The following KAZN variants were observed in gnomAD, a reference collection of about 807,000 sequenced individuals.
KAZN encodes kazrin.
KAZN carries 40 observed loss-of-function variants against 87.4 expected under a neutral mutation model. That is an observed-to-expected ratio of 0.46 (90% CI 0.36 to 0.60). The LOEUF (loss-of-function observed/expected upper bound fraction) is 0.60. Ranked by LOEUF, KAZN falls within the 20% of genes least tolerant of loss-of-function variation. KAZN has a pLI of 0.00. For missense variants in KAZN, 898 were observed against 1,073.9 expected, an observed-to-expected ratio of 0.84 and a Z score of 2.29; for synonymous variants, 466 against 458.3, an observed-to-expected ratio of 1.02 and a Z score of -0.22.
At chr1:14,871,227 C>T (rs2101058011) in intron 1 of KAZN, among the ~76,000 whole-genome samples, 1 of 152,306 alleles carries the variant, frequency 6.6e-6, no homozygotes, top group East Asian at 1.9e-4. Flanking sequence ...GTCCTGCAGA[C>T]CTCTCCTTCC....
In KAZN at chr1:14,845,016, A is replaced by G. The variant is rs1461636971; in HGVS notation, c.227-115668A>G. Among the ~76,000 whole-genome samples the G allele has an allele frequency of 2.0e-5, 3 of 150,278 alleles. No individual in the cohort carries two copies. In the East Asian group the frequency reaches 6.0e-4, roughly 30 times the overall value. ...GAATGAATAAATGAGTAGTGGATAG[A>G]TGGATGGGTGAGTAGTTGGATGAGT... On this transcript the variant is annotated intron_variant, in intron 1 of 14. Coordinates refer to ENST00000376030, the MANE Select transcript of KAZN (RefSeq NM_201628.3).
chr1:15,074,404 G>T (rs1319465967), intron 8 of KAZN, among the ~76,000 whole-genome samples: 1 of 152,192 alleles, frequency 6.6e-6, no homozygotes, highest in African/African-American at 2.4e-5. Flanking sequence ...GGGTCTCTGG[G>T]CTGTGATCAG....
At chr1:14,035,302 G>C (rs1024023789) in intron 1 of KAZN, among the ~76,000 whole-genome samples, 2 of 152,022 alleles carry the variant, frequency 1.3e-5, no homozygotes, top group Non-Finnish European at 2.9e-5. Flanking sequence ...AGTGGTGAAG[G>C]CTCCAGTTTT....
At chr1:14,635,552 G>A (rs1017678855) in intron 1 of KAZN, among the ~76,000 whole-genome samples, 8 of 152,150 alleles carry the variant, frequency 5.3e-5, no homozygotes, top group African/African-American at 1.7e-4. Context: ...ACGCGATTAC[G>A]ATGACTGCTA....
At chr1:14,864,858 A>G (rs1651271985) in intron 1 of KAZN, among the ~76,000 whole-genome samples, 1 of 152,144 alleles carries the variant, frequency 6.6e-6, no homozygotes, top group Non-Finnish European at 1.5e-5. Flanking sequence ...AAATGGGATA[A>G]TAACAACACC....
At chr1:13,919,650 C>A (rs111942976) in intron 1 of KAZN, among the ~76,000 whole-genome samples, 4,194 of 152,178 alleles carry the variant, frequency 0.028, 195 homozygotes, top group African/African-American at 0.096. Flanking sequence ...TTGTTCAAGG[C>A]TTTTGTCCAT....
chr1:15,106,100 C>T (rs1369155235), intron 13 of KAZN, among the ~76,000 whole-genome samples: 1 of 152,000 alleles, frequency 6.6e-6, no homozygotes. Context: ...GGCAACATAG[C>T]GTGACCTTTT....
chr1:14,003,630 A>G (rs1639909683), intron 1 of KAZN, among the ~76,000 whole-genome samples: 1 of 152,198 alleles, frequency 6.6e-6, no homozygotes, highest in East Asian at 1.9e-4. Flanking sequence ...TGGTGGTGAA[A>G]TTATTTTTAT....
Position 13,952,783 on chromosome 1 carries a change from C to T in KAZN, c.91+59027C>T, listed in dbSNP as rs568754557. 2.0e-4 allele frequency among the ~76,000 whole-genome samples: 31 copies of T among 152,322 alleles called. No individual in the cohort carries two copies. In the South Asian group the frequency reaches 3.7e-3, roughly 18 times the overall value. On this transcript the variant is annotated intron_variant, in intron 1 of 16. Coordinates refer to the KAZN transcript ENST00000636203. ...TTGCAAGGCCACTGGCCAGCCGGAG[C>T]TCAAATACCAGTAGTATCAGCTGGA...
intron 1 of KAZN, among the ~76,000 whole-genome samples, chr1:14,606,176 A>G (rs1313890154): frequency 6.6e-6 from 1 of 152,192 alleles, no homozygotes; most frequent in African/African-American, 2.4e-5. Flanking sequence ...CTGAGCCAGG[A>G]ATGCAAACCC....
At chr1:14,514,250 G>A (rs778157520) in intron 2 of KAZN, among the ~76,000 whole-genome samples, 60 of 134,582 alleles carry the variant, frequency 4.5e-4, no homozygotes, top group Non-Finnish European at 6.7e-4. Flanking sequence ...GCGTGAACCC[G>A]GGAGGCGGAG....
At chr1:14,390,625 CT>C (rs1662338064) in intron 2 of KAZN, 1 of 152,344 alleles carries the variant, frequency 6.6e-6, no homozygotes, top group Non-Finnish European at 1.5e-5. Context: ...GAGGTGGTGT[CT>C]TAGTCCACCT....
intron 2 of KAZN, among the ~76,000 whole-genome samples, chr1:14,358,098 C>A (rs563792459): frequency 6.6e-6 from 1 of 152,132 alleles, no homozygotes; most frequent in Non-Finnish European, 1.5e-5. Flanking sequence ...AATTTCAGTG[C>A]TTGTTATTGG....
chr1:14,093,077 A>G (rs1365537879), intron 1 of KAZN, among the ~76,000 whole-genome samples: 1 of 151,918 alleles, frequency 6.6e-6, no homozygotes, highest in Non-Finnish European at 1.5e-5. Flanking sequence ...GCTGTGCCAG[A>G]TACACGTCCA....
intron 8 of KAZN, among the ~76,000 whole-genome samples, chr1:15,080,362 T>C (rs1639938391): frequency 6.6e-6 from 1 of 152,134 alleles, no homozygotes; most frequent in Non-Finnish European, 1.5e-5. Context: ...GCCCAGGGCC[T>C]CCCAAGGGTG....
chr1:14,394,536 C>G (rs1047419909), intron 2 of KAZN, among the ~76,000 whole-genome samples: 1 of 151,878 alleles, frequency 6.6e-6, no homozygotes, highest in South Asian at 2.1e-4. Flanking sequence ...GCCTTACACA[C>G]GTTATCACAT....
At chr1:14,367,270 A>G (rs1660083888) in intron 2 of KAZN, among the ~76,000 whole-genome samples, 1 of 152,074 alleles carries the variant, frequency 6.6e-6, no homozygotes, top group South Asian at 2.1e-4. Context: ...GGAAGCTGGA[A>G]GGGAGATGGA....
chr1:14,335,113 C>CG (rs576281133), intron 2 of KAZN, among the ~76,000 whole-genome samples: 26 of 149,990 alleles, frequency 1.7e-4, no homozygotes, highest in East Asian at 2.0e-4. Flanking sequence ...GGTGCCCCCC[C>CG]CCCACCACCC....
At position 14,287,005 on chromosome 1, in the gene KAZN, G is replaced by A. The variant is rs571332608; in HGVS notation, c.249+106413G>A. 2.6e-5 allele frequency among the ~76,000 whole-genome samples: 4 copies of A among 152,242 alleles called. No individual in the cohort carries two copies. In the East Asian group the frequency reaches 7.7e-4, roughly 29 times the overall value. ...GGGAAAATTTAATTTGATGAGAGCA[G>A]TTGGAACTACAATTGAGTTTTGTAT... On this transcript the variant is annotated intron_variant, in intron 2 of 16. Coordinates refer to the KAZN transcript ENST00000636203.
Sources: gnomAD v4.1 joint callset for allele counts (sites outside exome capture counted in the v4.1 genomes callset) on GRCh38, gnomAD v4.1.1 for gene constraint, MANE v1.5 for transcripts, NCBI Gene and HGNC (gene_info 2026-07-23, HGNC 2026-07-21) for gene names.